FRK: variants seen among roughly 807,000 people sequenced by gnomAD.
FRK encodes tyrosine-protein kinase FRK.
A neutral mutation model predicts 56.4 loss-of-function variants in FRK; 51 were observed. The ratio of observed to expected loss-of-function variants is 0.90; its 90% CI spans 0.72 to 1.14. FRK has a LOEUF of 1.14. FRK is among the 50% of genes most tolerant of loss of function. FRK has a pLI of 0.00. For synonymous variants in FRK, 245 were observed against 217.9 expected (o/e 1.12, Z -1.10); for missense variants, 570 against 601.4 (o/e 0.95, Z 0.55).
At chr6:115,973,676 C>T (rs1352172670) in intron 2 of FRK, among the ~76,000 whole-genome samples, 1 of 152,058 alleles carries the variant, frequency 6.6e-6, no homozygotes, top group Non-Finnish European at 1.5e-5. Context: ...TCAAGACCAG[C>T]CTGGCCAATA....
chr6:116,000,223 CTTTTTTTTTTTTTTTTTTTTTT>C (rs561273499), intron 2 of FRK, among the ~76,000 whole-genome samples: 5 of 53,120 alleles, frequency 9.4e-5, no homozygotes, highest in East Asian at 7.0e-4. Context: ...ATCATTCTTT[CTTTTTTTTTTTTTTTTTTTTTT>C]TTTTTTTTTT....
At chr6:115,954,566 G>A (rs1772912823) in intron 5 of FRK, among the ~76,000 whole-genome samples, 1 of 152,172 alleles carries the variant, frequency 6.6e-6, no homozygotes, top group South Asian at 2.1e-4. Flanking sequence ...TTAGGCCTGA[G>A]TTGCTATGGT....
In FRK at chr6:115,956,543, A is replaced by G. The variant is rs759833741; in HGVS notation, c.867T>C (p.Leu289=). Residue 289 remains leucine, a synonymous_variant, in exon 5 of 8, where the codon CTT becomes CTC. Coordinates refer to ENST00000606080, the MANE Select transcript of FRK (RefSeq NM_002031.3). ...QIMKNLRHPK[L]IQLYAVCTLE... ...AAGTGCAAACAGCATAAAGCTGGAT[A>G]AGCTTTGGATGTCTTAGGTTCTTCA... is the stretch of plus-strand genomic sequence containing the variant. 1.3e-6 allele frequency: 2 copies of G among 1,594,642 alleles called. No homozygotes were observed. Among genetic ancestry groups the G allele is most frequent in the South Asian group, 2.3e-5 (2 of 85,318 alleles).
At chr6:116,099,820 C>T in the FRK span, among the ~76,000 whole-genome samples, 1 of 152,142 alleles carries the variant, frequency 6.6e-6, no homozygotes, top group African/African-American at 2.4e-5. Context: ...TTGATTTGTC[C>T]CATTAGACAC....
the FRK span, among the ~76,000 whole-genome samples, chr6:116,088,042 C>T: frequency 6.6e-6 from 1 of 152,204 alleles, no homozygotes; most frequent in Admixed American, 6.5e-5. Flanking sequence ...CTCAGCCTCT[C>T]CTCCTTCCAG....
chr6:115,949,524 A>C (rs1772624518), intron 5 of FRK, among the ~76,000 whole-genome samples: 1 of 152,204 alleles, frequency 6.6e-6, no homozygotes, highest in Non-Finnish European at 1.5e-5. Context: ...TGCTCAAGGA[A>C]ATAAGAGAGG....
At chr6:116,008,149 C>T (rs1775322457) in intron 1 of FRK, among the ~76,000 whole-genome samples, 1 of 152,096 alleles carries the variant, frequency 6.6e-6, no homozygotes, top group Non-Finnish European at 1.5e-5. Context: ...CTAATCAAGT[C>T]TATAAATGAT....
chr6:116,066,101 G>T, the FRK span, among the ~76,000 whole-genome samples: 1 of 152,190 alleles, frequency 6.6e-6, no homozygotes, highest in African/African-American at 2.4e-5. Flanking sequence ...TTGATCCTGG[G>T]TGTGTCTATG....
chr6:115,944,271 T>C lies in FRK; in HGVS notation c.1113A>G (p.Ala371=), dbSNP rs2230583. 2,990 of 1,609,172 alleles carry C rather than the reference T, an allele frequency of 1.9e-3. 51 individuals are homozygous for C. In the African/African-American group the frequency reaches 0.037, roughly 20 times the overall value. The change falls in exon 6 of 8, where the codon GCA becomes GCG. Residue 371 remains alanine (A), a synonymous_variant. Transcript: ENST00000606080. Reference sequence around the variant, plus strand: ...TAAAAACTCTGGCAAGTCCAAAATCTGCTACTTTGTAGATATTATGTTCAC... The same window carrying C: ...TAAAAACTCTGGCAAGTCCAAAATCCGCTACTTTGTAGATATTATGTTCAC... ...LVGEHNIYKV[A]DFGLARVFKV...
intron 1 of FRK, among the ~76,000 whole-genome samples, chr6:116,050,317 C>T (rs1217211723): frequency 6.6e-6 from 1 of 152,188 alleles, no homozygotes; most frequent in African/African-American, 2.4e-5. Context: ...GACCAAACAT[C>T]TACTTATCTT....
chr6:115,966,078 T>TA (rs1773561885), intron 4 of FRK, among the ~76,000 whole-genome samples: 1 of 16,248 alleles, frequency 6.2e-5, no homozygotes, highest in Non-Finnish European at 1.9e-4. Flanking sequence ...AAAAAAGAAA[T>TA]ACTTAAAAAA....
chr6:116,058,107 A>T (rs1777464853), intron 1 of FRK, among the ~76,000 whole-genome samples: 1 of 152,224 alleles, frequency 6.6e-6, no homozygotes, highest in Non-Finnish European at 1.5e-5. Flanking sequence ...CTAACAGATT[A>T]TGAATTCAAG....
chr6:116,013,092 A>G (rs996985621), intron 1 of FRK, among the ~76,000 whole-genome samples: 1 of 152,138 alleles, frequency 6.6e-6, no homozygotes, highest in African/African-American at 2.4e-5. Flanking sequence ...ATTCACCTTT[A>G]TAGTCATCAT....
At chr6:115,992,987 A>C (rs535450006) in intron 2 of FRK, among the ~76,000 whole-genome samples, 37 of 152,004 alleles carry the variant, frequency 2.4e-4, no homozygotes, top group African/African-American at 8.2e-4. Flanking sequence ...AGATTCGAGT[A>C]TGAACTCTAA....
At position 115,991,585 on chromosome 6, in the gene FRK, A is replaced by C. The variant is rs546321886; in HGVS notation, c.466+12292T>G. Among the ~76,000 whole-genome samples, 3 of 151,900 alleles carry C rather than the reference A, an allele frequency of 2.0e-5. No individual in the cohort carries two copies. In the South Asian group the frequency reaches 6.2e-4, roughly 31 times the overall value. The stretch of plus-strand genomic sequence containing the variant: ...GTGAGTTACATTGATCAATTTGCAT[A>C]TGTTGAATCATCCTCCATTTATTCC... On this transcript the variant is annotated intron_variant, in intron 2 of 7. Coordinates refer to ENST00000606080, the MANE Select transcript of FRK (RefSeq NM_002031.3).
rs1424611501 is a variant in FRK at position 115,940,719 on chromosome 6, A to G, written c.*1695T>C. 1 of 152,244 alleles carries G rather than the reference A, an allele frequency of 6.6e-6. No homozygotes were observed. The highest frequency in any genetic ancestry group is 2.4e-5 in the African/African-American group (1 of 41,446). The allele number at this position is 152,244 out of a possible 1,614,324, so 9.4% of individuals were successfully genotyped here. ...GAAGATATTTATGCAGCCAACAGAC[A>G]TATGAAAAAAAGCTCATCATCTGAT... On this transcript the variant is annotated 3_prime_UTR_variant, in exon 8 of 8. Transcript: ENST00000606080.
intron 1 of FRK, among the ~76,000 whole-genome samples, chr6:116,027,609 C>T (rs2114752931): frequency 6.6e-6 from 1 of 151,970 alleles, no homozygotes; most frequent in Non-Finnish European, 1.5e-5. Flanking sequence ...TCATAATTCA[C>T]AAATAGTTAA....
intron 4 of FRK, among the ~76,000 whole-genome samples, chr6:115,959,231 T>A (rs1279703988): frequency 6.6e-6 from 1 of 152,220 alleles, no homozygotes; most frequent in Non-Finnish European, 1.5e-5. Context: ...AGTGAAGACA[T>A]TTAACCAATC....
chr6:116,039,337 C>T (rs562122457), intron 1 of FRK: 64 of 1,420,062 alleles, frequency 4.5e-5, no homozygotes, highest in Middle Eastern at 4.5e-4. Context: ...TCCAACATCT[C>T]TGATGTGGTG....
Sources: allele counts gnomAD v4.1 joint callset (sites outside exome capture counted in the v4.1 genomes callset), GRCh38; gene constraint gnomAD v4.1.1; transcripts MANE v1.5; gene names NCBI Gene and HGNC (gene_info 2026-07-23, HGNC 2026-07-21).